Variants in DAB2 observed in about 807,000 individuals in gnomAD.
DAB2 encodes DAB adaptor protein 2, also known as disabled homolog 2.
A neutral mutation model predicts 71.6 loss-of-function variants in DAB2; 28 were observed. The ratio of observed to expected loss-of-function variants is 0.39; its 90% CI spans 0.29 to 0.54. The LOEUF (loss-of-function observed/expected upper bound fraction) is 0.54, where lower values mean the gene tolerates loss of function less well. Ranked by LOEUF, DAB2 falls within the 20% of genes least tolerant of loss-of-function variation. The pLI, the probability that DAB2 is intolerant of heterozygous loss-of-function variation, is 0.68. For missense variants in DAB2, 867 were observed against 928.8 expected, an observed-to-expected ratio of 0.93 and a Z score of 0.86; for synonymous variants, 345 against 339.7, an observed-to-expected ratio of 1.02 and a Z score of -0.17.
chr5:39,382,605 G>A lies in DAB2; in HGVS notation c.1341+13C>T, dbSNP rs933312771. 6.2e-7 allele frequency: 1 copy of A among 1,608,038 alleles called. No individual in the cohort carries two copies. Among genetic ancestry groups the A allele is most frequent in the African/African-American group, 1.3e-5 (1 of 74,806 alleles). ...TGCACTCTGCTAATGGATATGTGGAGAAGACAATTCACCTTAGCAGTCCTT... is the reference window on the plus strand; with the variant it reads ...TGCACTCTGCTAATGGATATGTGGAAAAGACAATTCACCTTAGCAGTCCTT... On this transcript the variant is annotated intron_variant, in intron 10 of 14. Transcript: ENST00000320816.
At chr5:39,406,849 T>C (rs2112091160) in intron 1 of DAB2, among the ~76,000 whole-genome samples, 1 of 152,284 alleles carries the variant, frequency 6.6e-6, no homozygotes, top group South Asian at 2.1e-4. Context: ...AGTTTTAATA[T>C]TAAAAAAAAC....
At chr5:39,396,836 G>A (rs62358419) in intron 1 of DAB2, among the ~76,000 whole-genome samples, 4,201 of 152,320 alleles carry the variant, frequency 0.028, 89 homozygotes, top group South Asian at 0.086. Flanking sequence ...CACTTGTGTG[G>A]CTGTCAGAGG....
chr5:39,384,482 G>A (rs775744715), intron 9 of DAB2, among the ~76,000 whole-genome samples: 3 of 152,166 alleles, frequency 2.0e-5, no homozygotes, highest in South Asian at 2.1e-4. Context: ...CTTAATTTCA[G>A]AAAGTGAAAC....
rs1164027098 is a variant in DAB2 at position 39,422,820 on chromosome 5, GAA to G, written c.-102+1982_-102+1983del. 6.6e-6 allele frequency among the ~76,000 whole-genome samples: 1 copy of G among 152,166 alleles called. No individual in the cohort carries two copies. Among genetic ancestry groups the G allele is most frequent in the Admixed American group, 6.5e-5 (1 of 15,282 alleles). On this transcript the variant is annotated intron_variant, in intron 1 of 14. Transcript: ENST00000320816. The surrounding 1 kb of genome is among the most constrained non-coding windows in gnomAD (Gnocchi z 4.1). ...CAGTGAAATCCATTCAACCTTTGGA[GAA>G]AGACAACAAACAGGCCTAATGCACA...
At chr5:39,401,153 C>G (rs969867840) in intron 1 of DAB2, among the ~76,000 whole-genome samples, 1 of 152,154 alleles carries the variant, frequency 6.6e-6, no homozygotes, top group Non-Finnish European at 1.5e-5. Flanking sequence ...ACTGAGCAGA[C>G]AGTAAGATTT....
At chr5:39,390,919 C>A (rs964632004) in intron 4 of DAB2, among the ~76,000 whole-genome samples, 5 of 152,156 alleles carry the variant, frequency 3.3e-5, no homozygotes, top group Non-Finnish European at 5.9e-5. Context: ...CCAAATAGGT[C>A]TACTTTCCCA....
At chr5:39,396,402 C>T (rs142420414) in intron 1 of DAB2, among the ~76,000 whole-genome samples, 4 of 152,292 alleles carry the variant, frequency 2.6e-5, no homozygotes, top group African/African-American at 9.6e-5. Context: ...ACACACAAGT[C>T]TATTTGCTTG....
intron 1 of DAB2, chr5:39,408,822 T>C (rs1755659979): frequency 6.6e-6 from 1 of 152,194 alleles, no homozygotes; most frequent in African/African-American, 2.4e-5. Flanking sequence ...GGTCAGAATC[T>C]TGGCAGTTTG....
rs1199873848 is a variant in DAB2 at position 39,393,854 on chromosome 5, A to G, written c.91+376T>C. On this transcript the variant is annotated intron_variant, in intron 2 of 14. Coordinates refer to ENST00000320816, the MANE Select transcript of DAB2 (RefSeq NM_001343.4). Reference sequence around the variant, plus strand: ...TTATTAAGATAATTATCCCATCTTTATAATGTCTTTTGCTCCTTTTACAAG... The same window carrying G: ...TTATTAAGATAATTATCCCATCTTTGTAATGTCTTTTGCTCCTTTTACAAG... Among the ~76,000 whole-genome samples, 3 of 152,334 alleles carry G rather than the reference A, an allele frequency of 2.0e-5. No individual in the cohort carries two copies. In the East Asian group the frequency reaches 5.8e-4, roughly 29 times the overall value.
Position 39,409,546 on chromosome 5 carries a change from TG to T in DAB2, c.-101-15126del, listed in dbSNP as rs1755675091. Among the ~76,000 whole-genome samples, 3 of 152,342 alleles carry T rather than the reference TG, an allele frequency of 2.0e-5. No individual in the cohort carries two copies. The South Asian group carries it at 6.2e-4, about 32-fold the overall frequency. The stretch of plus-strand genomic sequence containing the variant: ...TAAAGTCTGTAAGTGAGACAGGTTT[TG>T]TTTCATGAATTCTTTATATAAATCC... On this transcript the variant is annotated intron_variant, in intron 1 of 14. Coordinates refer to ENST00000320816, the MANE Select transcript of DAB2 (RefSeq NM_001343.4).
intron 1 of DAB2, among the ~76,000 whole-genome samples, chr5:39,399,287 G>A (rs1561374712): frequency 6.6e-6 from 1 of 152,132 alleles, no homozygotes; most frequent in South Asian, 2.1e-4. Flanking sequence ...ACAAGGCAAG[G>A]ATTACAAATG....
intron 1 of DAB2, among the ~76,000 whole-genome samples, chr5:39,420,355 C>T (rs976802317): frequency 1.3e-5 from 2 of 152,156 alleles, no homozygotes; most frequent in African/African-American, 2.4e-5. Flanking sequence ...AACCATATTT[C>T]CCTCATCCAG....
intron 1 of DAB2, among the ~76,000 whole-genome samples, chr5:39,413,327 T>C (rs940694193): frequency 6.6e-6 from 1 of 152,210 alleles, no homozygotes; most frequent in Non-Finnish European, 1.5e-5. Flanking sequence ...GCTCTGATGC[T>C]TAGTGACCCT....
At chr5:39,399,013 G>A (rs1231096092) in intron 1 of DAB2, among the ~76,000 whole-genome samples, 1 of 151,810 alleles carries the variant, frequency 6.6e-6, no homozygotes, top group Non-Finnish European at 1.5e-5. Context: ...CCTAGAAAAG[G>A]GATCTGAGGA....
chr5:39,389,355 G>C (rs138315926), intron 6 of DAB2, among the ~76,000 whole-genome samples: 4 of 151,858 alleles, frequency 2.6e-5, no homozygotes, highest in Non-Finnish European at 5.9e-5. Flanking sequence ...ATCTCATAGA[G>C]AGAAAAAAAA....
intron 1 of DAB2, among the ~76,000 whole-genome samples, chr5:39,412,101 TG>T (rs767656029): frequency 1.3e-5 from 2 of 152,170 alleles, no homozygotes; most frequent in Non-Finnish European, 2.9e-5. Flanking sequence ...TATTTGCACC[TG>T]GGTCCAAAAC....
At position 39,420,325 on chromosome 5, in the gene DAB2, T is replaced by A. The variant is rs1311361129; in HGVS notation, c.-102+4479A>T. Among the ~76,000 whole-genome samples the A allele has an allele frequency of 2.0e-5, 3 of 152,242 alleles. No homozygotes were observed. The East Asian group carries it at 5.8e-4, about 29-fold the overall frequency. ...TTGCTAGGTAGCAATAGGGTAGTTT[T>A]TTACCAAGAGACAACATTAAACCAT... On this transcript the variant is annotated intron_variant, in intron 1 of 14. Transcript: ENST00000320816.
chr5:39,421,902 CAAA>C (rs11303318), intron 1 of DAB2, among the ~76,000 whole-genome samples: 40 of 140,044 alleles, frequency 2.9e-4, no homozygotes, highest in African/African-American at 4.5e-4. Context: ...ACTACTACTA[CAAA>C]AAAAAAAAAA....
intron 1 of DAB2, among the ~76,000 whole-genome samples, chr5:39,415,284 C>G (rs1433263853): frequency 6.6e-6 from 1 of 152,020 alleles, no homozygotes; most frequent in East Asian, 1.9e-4. Flanking sequence ...ATGGCAGTAA[C>G]AGAAGGAAGC....
Sources: allele counts gnomAD v4.1 joint callset (sites outside exome capture counted in the v4.1 genomes callset), GRCh38; gene constraint gnomAD v4.1.1; non-coding constraint Gnocchi (gnomAD v3.1); transcripts MANE v1.5; gene names NCBI Gene and HGNC (gene_info 2026-07-23, HGNC 2026-07-21).